LEKR1: variants seen among roughly 807,000 people sequenced by gnomAD.
LEKR1 encodes protein LEKR1.
LEKR1 carries 59 observed loss-of-function variants against 72.4 expected under a neutral mutation model. That is an observed-to-expected ratio of 0.82 (90% CI 0.66 to 1.01). LEKR1 has a LOEUF of 1.01. LEKR1 is among the 50% of genes least tolerant of loss of function. LEKR1 has a pLI of 0.00. For synonymous variants in LEKR1, 257 were observed against 263.2 expected (o/e 0.98, Z 0.23); for missense variants, 728 against 759.2 (o/e 0.96, Z 0.48).
intron 4 of LEKR1, among the ~76,000 whole-genome samples, chr3:156,925,697 G>C (rs1724651629): frequency 6.6e-6 from 1 of 151,808 alleles, no homozygotes; most frequent in Admixed American, 6.6e-5. Context: ...GTTGTAATTT[G>C]GTTAAAAATT....
rs544751938 is a variant in LEKR1 at position 156,966,167 on chromosome 3, T to G, written c.746-13027T>G. Among the ~76,000 whole-genome samples, 222 of 152,198 alleles carry G rather than the reference T, an allele frequency of 1.5e-3. 2 individuals are homozygous for G. The South Asian group carries it at 0.021, about 14-fold the overall frequency. On this transcript the variant is annotated intron_variant, in intron 6 of 12. Coordinates refer to ENST00000356539, the MANE Select transcript of LEKR1 (RefSeq NM_001004316.3). ...TGGGGGTGGAGCCAAGATGGCCGAA[T>G]AGGAACAGCTCCAGTCCACAGCTCC...
At chr3:156,859,171 A>T (rs773625243) in intron 3 of LEKR1, among the ~76,000 whole-genome samples, 30 of 152,350 alleles carry the variant, frequency 2.0e-4, no homozygotes, top group Non-Finnish European at 3.7e-4. Flanking sequence ...TATTCAAATT[A>T]CATATATTTG....
chr3:157,037,394 A>G (rs1735038364), intron 12 of LEKR1, among the ~76,000 whole-genome samples: 1 of 152,194 alleles, frequency 6.6e-6, no homozygotes, highest in South Asian at 2.1e-4. Flanking sequence ...GACCTAGTAG[A>G]GAAGGTGGCA....
chr3:156,945,098 A>G (rs777159753), intron 6 of LEKR1, among the ~76,000 whole-genome samples: 1 of 151,744 alleles, frequency 6.6e-6, no homozygotes, highest in Non-Finnish European at 1.5e-5. Context: ...TGTCATTTGG[A>G]TAAAAACCAT....
At chr3:156,947,158 G>A (rs1726759134) in intron 6 of LEKR1, among the ~76,000 whole-genome samples, 1 of 150,492 alleles carries the variant, frequency 6.6e-6, no homozygotes, top group Admixed American at 6.7e-5. Context: ...TTCTAATTTT[G>A]GACTTGGTTT....
intron 2 of LEKR1, among the ~76,000 whole-genome samples, chr3:156,838,553 G>A (rs189870330): frequency 4.7e-4 from 72 of 152,270 alleles, no homozygotes; most frequent in Admixed American, 1.4e-3. Flanking sequence ...GAACCCCAGT[G>A]GAGCCAAACC....
chr3:156,873,777 C>T (rs886391870), intron 3 of LEKR1, among the ~76,000 whole-genome samples: 5 of 151,868 alleles, frequency 3.3e-5, no homozygotes, highest in African/African-American at 9.7e-5. Context: ...AGTATCCTTA[C>T]TATATTAGTT....
At chr3:157,044,395 A>G (rs965457549) in intron 12 of LEKR1, among the ~76,000 whole-genome samples, 1 of 152,222 alleles carries the variant, frequency 6.6e-6, no homozygotes, top group Non-Finnish European at 1.5e-5. Context: ...AACATAGGTA[A>G]CACCTCAACT....
chr3:156,883,694 C>G (rs145763947), intron 3 of LEKR1, among the ~76,000 whole-genome samples: 188 of 152,306 alleles, frequency 1.2e-3, no homozygotes, highest in African/African-American at 4.3e-3. Context: ...CTCTCATTCT[C>G]TCTTGTCTGC....
chr3:156,855,048 A>G (rs958946612), intron 3 of LEKR1, among the ~76,000 whole-genome samples: 3 of 152,180 alleles, frequency 2.0e-5, no homozygotes, highest in Non-Finnish European at 4.4e-5. Context: ...AGAATATGCT[A>G]TAATTTACTT....
intron 9 of LEKR1, among the ~76,000 whole-genome samples, chr3:157,009,131 AT>A (rs1732697635): frequency 6.6e-6 from 1 of 152,146 alleles, no homozygotes; most frequent in African/African-American, 2.4e-5. Context: ...GTGCTATTCT[AT>A]AGAAGTATTA....
At chr3:156,878,714 T>A (rs1718912794) in intron 3 of LEKR1, among the ~76,000 whole-genome samples, 1 of 152,180 alleles carries the variant, frequency 6.6e-6, no homozygotes, top group African/African-American at 2.4e-5. Context: ...GTGATATGGT[T>A]TGGCTGTGTC....
At chr3:156,912,018 T>A (rs2108568840) in intron 3 of LEKR1, among the ~76,000 whole-genome samples, 1 of 152,190 alleles carries the variant, frequency 6.6e-6, no homozygotes, top group African/African-American at 2.4e-5. Context: ...TTTTAGGATT[T>A]TTTTTCTTTT....
chr3:156,981,645 A>T (rs984836137), intron 7 of LEKR1, among the ~76,000 whole-genome samples: 2 of 152,130 alleles, frequency 1.3e-5, no homozygotes, highest in African/African-American at 4.8e-5. Flanking sequence ...ACTCTCCTTT[A>T]CTGCTAGGAT....
chr3:156,942,436 C>T (rs908702762), intron 5 of LEKR1, 93 bp from the exon 6 acceptor site: 1 of 376,136 alleles, frequency 2.7e-6, no homozygotes, highest in African/African-American at 2.3e-5. Flanking sequence ...TGCCTTTCAA[C>T]TATTAATTTT....
At chr3:156,836,358 G>C (rs1482559483) in intron 2 of LEKR1, among the ~76,000 whole-genome samples, 1 of 151,856 alleles carries the variant, frequency 6.6e-6, no homozygotes, top group African/African-American at 2.4e-5. Context: ...AGGAATCCCA[G>C]GCTGGCAAAA....
chr3:156,930,140 G>C (rs1269277766), intron 5 of LEKR1, among the ~76,000 whole-genome samples: 1 of 152,000 alleles, frequency 6.6e-6, no homozygotes, highest in African/African-American at 2.4e-5. Flanking sequence ...CACATATAAG[G>C]CTGGATGGAC....
chr3:156,879,112 G>A (rs146069650), intron 3 of LEKR1, among the ~76,000 whole-genome samples: 377 of 152,260 alleles, frequency 2.5e-3, no homozygotes, highest in African/African-American at 8.5e-3. Context: ...TTTGGAACTG[G>A]GTAACAGGCA....
intron 9 of LEKR1, among the ~76,000 whole-genome samples, chr3:157,001,908 C>G (rs925794405): frequency 3.9e-5 from 6 of 152,090 alleles, no homozygotes; most frequent in Admixed American, 6.5e-5. Context: ...AGTCAGCTCT[C>G]AATATTTGCT....
Sources: allele counts gnomAD v4.1 joint callset (sites outside exome capture counted in the v4.1 genomes callset), GRCh38; gene constraint gnomAD v4.1.1; transcripts MANE v1.5; gene names NCBI Gene and HGNC (gene_info 2026-07-23, HGNC 2026-07-21).